LMNTD1: variants seen among roughly 807,000 people sequenced by gnomAD.
The protein encoded by LMNTD1 is lamin tail domain containing 1.
Under a neutral mutation model 50.9 loss-of-function variants are expected in LMNTD1, and 35 were observed. The ratio of observed to expected loss-of-function variants is 0.69; its 90% CI spans 0.53 to 0.91. LMNTD1 has a LOEUF of 0.91. Ranked by LOEUF, LMNTD1 falls within the 40% of genes least tolerant of loss-of-function variation. LMNTD1 has a pLI of 0.00. For synonymous variants in LMNTD1, 153 were observed against 161.9 expected (o/e 0.94, Z 0.42); for missense variants, 470 against 475.5 (o/e 0.99, Z 0.11).
chr12:25,643,679 C>T (rs1400008932), intron 1 of LMNTD1, among the ~76,000 whole-genome samples: 1 of 152,112 alleles, frequency 6.6e-6, no homozygotes, highest in African/African-American at 2.4e-5. Flanking sequence ...GACCAGTCAC[C>T]CTGAAGACCA....
chr12:25,483,942 T>C (rs1938526733), intron 9 of LMNTD1, among the ~76,000 whole-genome samples: 1 of 152,008 alleles, frequency 6.6e-6, no homozygotes, highest in Admixed American at 6.5e-5. Context: ...AGCTTTAACT[T>C]GCTGACTAAC....
intron 8 of LMNTD1, among the ~76,000 whole-genome samples, chr12:25,506,052 A>T (rs1002652700): frequency 6.6e-6 from 1 of 152,220 alleles, no homozygotes; most frequent in Non-Finnish European, 1.5e-5. Flanking sequence ...GCAATTTCTT[A>T]TGGGAAAAAT....
At chr12:25,617,975 G>A (rs1479296852) in intron 1 of LMNTD1, among the ~76,000 whole-genome samples, 2 of 152,160 alleles carry the variant, frequency 1.3e-5, no homozygotes, top group African/African-American at 4.8e-5. Flanking sequence ...TGTCCCCATT[G>A]TGCAGGAAAG....
intron 6 of LMNTD1, 54 bp from the exon 7 acceptor site, chr12:25,520,129 G>T: frequency 6.5e-5 from 33 of 507,422 alleles, no homozygotes; most frequent in Middle Eastern, 5.7e-4. Context: ...TTTACAACAT[G>T]CTGTTATGAG....
rs11048091 is a variant in LMNTD1 at position 25,538,135 on chromosome 12, G to C, written c.491+8239C>G. On this transcript the variant is annotated intron_variant, in intron 4 of 9. Coordinates refer to ENST00000458174, the MANE Select transcript of LMNTD1 (RefSeq NM_001145728.2). ...AAGTGATGGGGAGAATGGAACCAAG[G>C]TGGAAAACACTCTGCAGGATATTAT... Among the ~76,000 whole-genome samples the C allele has an allele frequency of 8.8e-5, 5 of 56,762 alleles. No individual in the cohort carries two copies. In the East Asian group the frequency reaches 2.6e-3, roughly 29 times the overall value. The allele number at this position is 56,762 out of a possible 152,430, so 37.2% of individuals were successfully genotyped here.
chr12:25,566,762 C>T (rs1944574393), intron 1 of LMNTD1, among the ~76,000 whole-genome samples: 1 of 152,178 alleles, frequency 6.6e-6, no homozygotes, highest in Admixed American at 6.5e-5. Flanking sequence ...ATGAACAATC[C>T]TATCATTGTT....
At position 25,552,893 on chromosome 12, in the gene LMNTD1, C is replaced by T. The variant is rs777058356; in HGVS notation, c.67G>A (p.Asp23Asn). 1 of 1,550,298 alleles carries T rather than the reference C, an allele frequency of 6.5e-7. No individual in the cohort carries two copies. The highest frequency in any genetic ancestry group is 1.2e-5 in the South Asian group (1 of 84,132). The part of the protein sequence containing the change: ...AMQNKVHEQE[D>N]KNEKQKQRED... Reference sequence around the variant, plus strand: ...CACTGTTTTTGTTTCTCATTCTTATCTTCCTGCTCATGGACTTTATTCTGC... The same window carrying T: ...CACTGTTTTTGTTTCTCATTCTTATTTTCCTGCTCATGGACTTTATTCTGC... Residue 23 changes from aspartate (D) to asparagine (N), a missense_variant, in exon 2 of 10, where the codon GAT (aspartate) becomes AAT (asparagine). By Grantham distance (23) the Asp-to-Asn change is conservative. Coordinates refer to ENST00000458174, the MANE Select transcript of LMNTD1 (RefSeq NM_001145728.2).
intron 1 of LMNTD1, among the ~76,000 whole-genome samples, chr12:25,605,054 A>C (rs976003168): frequency 2.6e-5 from 4 of 152,094 alleles, no homozygotes; most frequent in African/African-American, 9.7e-5. Context: ...CTGGTGTGAG[A>C]TGGTATCTCA....
rs1260262576 is a variant in LMNTD1, at chr12:25,541,896, C to A, written c.491+4478G>T. 2.0e-5 allele frequency among the ~76,000 whole-genome samples: 3 copies of A among 151,310 alleles called. No individual in the cohort carries two copies. The South Asian group carries it at 6.3e-4, about 32-fold the overall frequency. On this transcript the variant is annotated intron_variant, in intron 4 of 9. Transcript: ENST00000458174. ...ACAAGAAAAAAACAAACAACCCCAT[C>A]AAAAAGTGGGCGAAGGACATGAACA...
intron 1 of LMNTD1, among the ~76,000 whole-genome samples, chr12:25,562,694 T>C (rs1716363269): frequency 6.6e-6 from 1 of 152,234 alleles, no homozygotes; most frequent in Non-Finnish European, 1.5e-5. Flanking sequence ...CCTTGCTAGG[T>C]TGAGGAAGTT....
intron 1 of LMNTD1, among the ~76,000 whole-genome samples, chr12:25,565,420 A>T (rs1427828718): frequency 6.6e-6 from 1 of 152,196 alleles, no homozygotes; most frequent in Non-Finnish European, 1.5e-5. Context: ...TAAGATGATA[A>T]CAACTTAACA....
intron 4 of LMNTD1, among the ~76,000 whole-genome samples, chr12:25,544,234 T>C (rs1457652272): frequency 6.6e-6 from 1 of 151,930 alleles, no homozygotes; most frequent in Non-Finnish European, 1.5e-5. Flanking sequence ...TTGCTTTATA[T>C]ACTTGGGAGC....
chr12:25,626,541 A>G (rs1171735673), intron 1 of LMNTD1, among the ~76,000 whole-genome samples: 1 of 152,168 alleles, frequency 6.6e-6, no homozygotes, highest in Non-Finnish European at 1.5e-5. Context: ...TGAATTCAGT[A>G]TAATTTGACT....
At chr12:25,646,329 T>C (rs183852454) in intron 1 of LMNTD1, among the ~76,000 whole-genome samples, 108 of 152,202 alleles carry the variant, frequency 7.1e-4, no homozygotes, top group African/African-American at 2.6e-3. Context: ...TCATCTCTCC[T>C]GGCCCTCTCC....
At chr12:25,603,572 T>C (rs1946026480) in intron 1 of LMNTD1, among the ~76,000 whole-genome samples, 2 of 151,994 alleles carry the variant, frequency 1.3e-5, no homozygotes, top group African/African-American at 4.8e-5. Context: ...GTAAGTACAG[T>C]CTTTTCATCC....
chr12:25,613,472 G>A (rs1340914264), intron 1 of LMNTD1, among the ~76,000 whole-genome samples: 1 of 152,124 alleles, frequency 6.6e-6, no homozygotes, highest in East Asian at 1.9e-4. Context: ...GCATTATATG[G>A]CATAAATTAC....
In LMNTD1 at chr12:25,623,553, CAAAAAAAAAAAAAAAAAA is replaced by C. The variant is rs57326398; in HGVS notation, c.58+24923_58+24940del. ...TGGGTGATAGAGCAAGACTCTGTCT[CAAAAAAAAAAAAAAAAAA>C]AAAAAAAAAAGGAGAGAAAGCATGC... On this transcript the variant is annotated intron_variant, in intron 1 of 7. Transcript: ENST00000445693. Among the ~76,000 whole-genome samples, 224 of 57,566 alleles carry C rather than the reference CAAAAAAAAAAAAAAAAAA, an allele frequency of 3.9e-3. 1 individual carries two copies. In the Middle Eastern group the frequency reaches 0.061, roughly 16 times the overall value. The allele number at this position is 57,566 out of a possible 152,430, so 37.8% of individuals were successfully genotyped here.
At chr12:25,481,814 T>C (rs1332759290) in intron 9 of LMNTD1, among the ~76,000 whole-genome samples, 2 of 150,258 alleles carry the variant, frequency 1.3e-5, no homozygotes, top group Non-Finnish European at 2.9e-5. Context: ...GCAACCTAAC[T>C]ACCTAGTTTA....
chr12:25,483,647 C>T (rs1037483795), intron 9 of LMNTD1, among the ~76,000 whole-genome samples: 1 of 151,696 alleles, frequency 6.6e-6, no homozygotes, highest in African/African-American at 2.4e-5. Flanking sequence ...TGGCGCTTGC[C>T]TGTAGTCCCA....
Sources: gnomAD v4.1 joint callset for allele counts (sites outside exome capture counted in the v4.1 genomes callset) on GRCh38, gnomAD v4.1.1 for gene constraint, MANE v1.5 for transcripts, NCBI Gene and HGNC (gene_info 2026-07-23, HGNC 2026-07-21) for gene names.